The following PDE12 variants were observed in gnomAD, a reference collection of about 807,000 sequenced individuals.
PDE12 encodes the protein 2',5'-phosphodiesterase 12.
In PDE12, 26 loss-of-function variants were observed where a neutral mutation model predicts 45.4. That is an observed-to-expected ratio of 0.57 (90% CI 0.42 to 0.79). The LOEUF (loss-of-function observed/expected upper bound fraction) is 0.79, where lower values mean the gene tolerates loss of function less well. Ranked by LOEUF, PDE12 falls within the 30% of genes least tolerant of loss-of-function variation. PDE12 has a pLI of 0.00. For missense variants in PDE12, 668 were observed against 790.0 expected (o/e 0.85, Z 1.85); for synonymous variants, 283 against 323.9 (o/e 0.87, Z 1.36).
At chr3:57,582,127 G>T in the PDE12 span, among the ~76,000 whole-genome samples, 4 of 152,110 alleles carry the variant, frequency 2.6e-5, no homozygotes, top group Non-Finnish European at 2.9e-5. Context: ...CAAGAATTTC[G>T]GATAAGGAAT....
At chr3:57,630,976 T>G in the PDE12 span, 1 of 1,612,206 alleles carries the variant, frequency 6.2e-7, no homozygotes, top group Non-Finnish European at 8.5e-7. Context: ...CCACATATCT[T>G]TCCTAAAACC....
the PDE12 span, among the ~76,000 whole-genome samples, chr3:57,617,299 C>A: frequency 6.6e-6 from 1 of 151,734 alleles, no homozygotes; most frequent in South Asian, 2.1e-4. Flanking sequence ...CAGTTACTTA[C>A]AGGCTGAGGC....
chr3:57,562,272 C>A lies in PDE12; in HGVS notation c.*2268C>A. Reference sequence around the variant, plus strand: ...TCAGAAAAACTCAGCACTTAACAGACATTCCATGTCCTATATCCTTAATTT... The same window carrying A: ...TCAGAAAAACTCAGCACTTAACAGAAATTCCATGTCCTATATCCTTAATTT... On this transcript the variant is annotated 3_prime_UTR_variant, in exon 3 of 3. Coordinates refer to ENST00000311180, the MANE Select transcript of PDE12 (RefSeq NM_177966.7). 1 of 196,392 alleles carries A rather than the reference C, an allele frequency of 5.1e-6. No individual in the cohort carries two copies. The highest frequency in any genetic ancestry group is 9.2e-6 in the Non-Finnish European group (1 of 108,592). 12.2% of individuals were successfully genotyped at this position (196,392 alleles called of 1,614,324 possible).
At chr3:57,590,908 G>GT in the PDE12 span, among the ~76,000 whole-genome samples, 1 of 152,124 alleles carries the variant, frequency 6.6e-6, no homozygotes, top group Non-Finnish European at 1.5e-5. Flanking sequence ...CTGCGTAATA[G>GT]TTTAAAATAA....
At chr3:57,571,136 C>T (rs1452179940), downstream of PDE12, among the ~76,000 whole-genome samples, 1 of 152,076 alleles carries the variant, frequency 6.6e-6, no homozygotes, top group Non-Finnish European at 1.5e-5. Context: ...AGCCACCATG[C>T]CAGGCCCTCC....
At chr3:57,649,715 G>A in the PDE12 span, among the ~76,000 whole-genome samples, 22 of 150,802 alleles carry the variant, frequency 1.5e-4, no homozygotes, top group African/African-American at 4.4e-4. Flanking sequence ...CATCTCCCCT[G>A]GGCCCTGACA....
At chr3:57,575,754 A>C in the PDE12 span, 1 of 1,366,656 alleles carries the variant, frequency 7.3e-7, no homozygotes, top group African/African-American at 1.5e-5. Context: ...TACTTTACTC[A>C]GCATTAAATA....
At chr3:57,569,014 C>T (rs1429693285), downstream of PDE12, among the ~76,000 whole-genome samples, 1 of 152,076 alleles carries the variant, frequency 6.6e-6, no homozygotes, top group Non-Finnish European at 1.5e-5. Context: ...TGACAGAATA[C>T]TTTTTAATCT....
At chr3:57,601,076 T>G in the PDE12 span, 1 of 152,278 alleles carries the variant, frequency 6.6e-6, no homozygotes, top group East Asian at 1.9e-4. Context: ...AAGCATGTAC[T>G]CATAACATAC....
At chr3:57,584,372 A>C in the PDE12 span, 2 of 1,585,328 alleles carry the variant, frequency 1.3e-6, no homozygotes, top group Non-Finnish European at 1.7e-6. Context: ...AGTCATCTGT[A>C]AACTTTCTTA....
chr3:57,589,605 C>G, the PDE12 span, among the ~76,000 whole-genome samples: 3 of 151,632 alleles, frequency 2.0e-5, no homozygotes, highest in African/African-American at 7.3e-5. Context: ...GTAAACCCAG[C>G]TACTTGGGAG....
the PDE12 span, among the ~76,000 whole-genome samples, chr3:57,602,633 C>T: frequency 2.6e-5 from 4 of 152,052 alleles, no homozygotes; most frequent in East Asian, 1.9e-4. Context: ...TGCAGTGGCA[C>T]GATCTTGGCT....
the PDE12 span, among the ~76,000 whole-genome samples, chr3:57,609,910 A>C: frequency 1.3e-5 from 2 of 152,180 alleles, no homozygotes; most frequent in Non-Finnish European, 2.9e-5. Flanking sequence ...CTGATACCAA[A>C]GGCTGGCAGA....
At chr3:57,592,332 T>C in the PDE12 span, among the ~76,000 whole-genome samples, 2 of 151,934 alleles carry the variant, frequency 1.3e-5, no homozygotes, top group African/African-American at 4.8e-5. Context: ...ACTACAAATA[T>C]GAAAATTAGC....
the PDE12 span, chr3:57,645,766 A>AG: frequency 1.3e-6 from 2 of 1,596,358 alleles, no homozygotes; most frequent in Non-Finnish European, 1.7e-6. Flanking sequence ...GCTGTGGAGC[A>AG]GGAAGAACAT....
At position 57,563,735 on chromosome 3, in the gene PDE12, T is replaced by A. The variant is rs539400389; in HGVS notation, c.*3731T>A. The stretch of plus-strand genomic sequence containing the variant: ...GACCCTATCTCTGCAAAAAATAAAA[T>A]TAACCAGGCATGGTGGTGCATGCCT... On this transcript the variant is annotated 3_prime_UTR_variant, in exon 3 of 3. Transcript: ENST00000311180. 4 of 152,114 alleles carry A rather than the reference T, an allele frequency of 2.6e-5. No individual in the cohort carries two copies. Among genetic ancestry groups the A allele is most frequent in the Admixed American group, 2.0e-4 (3 of 15,264 alleles). The allele number at this position is 152,114 out of a possible 1,614,324, so 9.4% of individuals were successfully genotyped here.
the PDE12 span, chr3:57,628,062 G>A: frequency 8.7e-7 from 1 of 1,148,998 alleles, no homozygotes; most frequent in Admixed American, 2.9e-5. Context: ...AAAAAGGTCT[G>A]TTTATACAAT....
the PDE12 span, among the ~76,000 whole-genome samples, chr3:57,631,714 C>G: frequency 3.5e-5 from 5 of 143,082 alleles, no homozygotes; most frequent in Non-Finnish European, 6.1e-5. Flanking sequence ...GGTCTCTGCT[C>G]TCTTTTTTTT....
At chr3:57,650,393 TGA>T in the PDE12 span, among the ~76,000 whole-genome samples, 4 of 149,498 alleles carry the variant, frequency 2.7e-5, no homozygotes, top group Admixed American at 6.8e-5. Flanking sequence ...ATTTAATATA[TGA>T]GTGTGTATAT....
Sources: allele counts gnomAD v4.1 joint callset (sites outside exome capture counted in the v4.1 genomes callset), GRCh38; gene constraint gnomAD v4.1.1; transcripts MANE v1.5; gene names NCBI Gene and HGNC (gene_info 2026-07-23, HGNC 2026-07-21).